Variants in TENM2 observed in about 807,000 individuals in gnomAD.
TENM2 encodes the protein teneurin transmembrane protein 2.
A neutral mutation model predicts 245.2 loss-of-function variants in TENM2; 52 were observed. That is an observed-to-expected ratio of 0.21 (90% CI 0.17 to 0.27). The LOEUF is 0.27. TENM2 is among the 10% of genes least tolerant of loss of function. TENM2 has a pLI of 1.00. For missense variants in TENM2, 3,046 were observed against 3,666.8 expected (o/e 0.83, Z 4.37); for synonymous variants, 1,363 against 1,438.9 (o/e 0.95, Z 1.19).
At chr5:168,002,320 G>A (rs1294473731) in intron 5 of TENM2, among the ~76,000 whole-genome samples, 1 of 152,146 alleles carries the variant, frequency 6.6e-6, no homozygotes, top group East Asian at 1.9e-4. Flanking sequence ...TAAAAGAAGG[G>A]CATATTACCT....
At chr5:167,927,526 A>G (rs1777856465) in intron 3 of TENM2, among the ~76,000 whole-genome samples, 3 of 152,164 alleles carry the variant, frequency 2.0e-5, no homozygotes, top group African/African-American at 7.2e-5. Context: ...AAGTGCATAA[A>G]TCAATCCTTA....
At chr5:167,597,160 CT>C (rs1211549028) in intron 2 of TENM2, among the ~76,000 whole-genome samples, 30 of 102,306 alleles carry the variant, frequency 2.9e-4, no homozygotes, top group Admixed American at 5.1e-4. Context: ...CTTTTCTTTT[CT>C]TTTCTTTTTT....
chr5:167,764,380 A>G (rs1325479590), intron 2 of TENM2, among the ~76,000 whole-genome samples: 2 of 152,108 alleles, frequency 1.3e-5, no homozygotes, highest in African/African-American at 4.8e-5. Flanking sequence ...TCCTATTTAA[A>G]TTAACTTAGC....
At chr5:167,510,594 G>A (rs1769879732) in intron 2 of TENM2, among the ~76,000 whole-genome samples, 1 of 146,930 alleles carries the variant, frequency 6.8e-6, no homozygotes, top group East Asian at 2.0e-4. Context: ...AAAGGAGAAA[G>A]AAAGAAGAAA....
intron 2 of TENM2, among the ~76,000 whole-genome samples, chr5:167,536,759 A>G (rs1195669710): frequency 1.3e-5 from 2 of 152,142 alleles, no homozygotes; most frequent in Non-Finnish European, 2.9e-5. Context: ...GCTCATGCCT[A>G]TATTCCCAGC....
At chr5:167,415,455 G>A (rs1581978596) in intron 2 of TENM2, among the ~76,000 whole-genome samples, 1 of 152,166 alleles carries the variant, frequency 6.6e-6, no homozygotes, top group East Asian at 1.9e-4. Context: ...AAAGAATAAT[G>A]TTTTCTAATT....
chr5:167,890,510 G>C (rs1774661304), intron 3 of TENM2, among the ~76,000 whole-genome samples: 1 of 152,040 alleles, frequency 6.6e-6, no homozygotes. Context: ...TGTCCTGCTT[G>C]GTATTATTTT....
At position 168,198,914 on chromosome 5, in the gene TENM2, A is replaced by G. The variant is rs1391617942; in HGVS notation, c.2962A>G (p.Met988Val). The G allele has an allele frequency of 7.4e-6, 12 of 1,613,910 alleles. 1 individual carries two copies. Among genetic ancestry groups the G allele is most frequent in the Non-Finnish European group, 1.0e-5 (12 of 1,179,906 alleles). The stretch of plus-strand genomic sequence containing the variant: ...TCTACACTTTGAGCGAGCCCCGTTC[A>G]TGAGCCAGGAGCGCACTGTGTGGCT... Residue 988 changes from methionine (M) to valine (V), a missense_variant, in exon 16 of 29, where the codon ATG (methionine) becomes GTG (valine). Transcript: ENST00000518659.
intron 2 of TENM2, among the ~76,000 whole-genome samples, chr5:167,753,443 A>G (rs1762089197): frequency 6.6e-6 from 1 of 152,208 alleles, no homozygotes; most frequent in African/African-American, 2.4e-5. Context: ...TATGTAGCCA[A>G]GAATAGGATG....
the TENM2 span, among the ~76,000 whole-genome samples, chr5:167,173,960 A>G: frequency 6.6e-6 from 1 of 152,116 alleles, no homozygotes; most frequent in Non-Finnish European, 1.5e-5. Context: ...TCCTTATGTG[A>G]TTTTTAATAT....
intron 2 of TENM2, among the ~76,000 whole-genome samples, chr5:167,436,281 T>A (rs1402554083): frequency 1.3e-5 from 2 of 151,962 alleles, no homozygotes; most frequent in African/African-American, 4.8e-5. Context: ...GAGACAGGAT[T>A]TTCCCACGTT....
At chr5:167,163,605 CT>C in the TENM2 span, among the ~76,000 whole-genome samples, 5 of 152,256 alleles carry the variant, frequency 3.3e-5, no homozygotes, top group African/African-American at 1.2e-4. Context: ...GGTTTTAACA[CT>C]TTCACCAGGG....
chr5:167,660,464 C>CAAAAAAAAA (rs749846307), intron 2 of TENM2: 31 of 33,168 alleles, frequency 9.3e-4, no homozygotes, highest in African/African-American at 1.7e-3. Context: ...GGCTGTGTCT[C>CAAAAAAAAA]AAAAAAAAAA....
At chr5:168,146,331 G>T (rs1231989439) in intron 12 of TENM2, among the ~76,000 whole-genome samples, 1 of 151,738 alleles carries the variant, frequency 6.6e-6, no homozygotes, top group Non-Finnish European at 1.5e-5. Context: ...TAGGATGGGA[G>T]ATAATGAAAA....
chr5:167,419,327 T>G (rs1193890697), intron 2 of TENM2, among the ~76,000 whole-genome samples: 1 of 152,148 alleles, frequency 6.6e-6, no homozygotes, highest in Non-Finnish European at 1.5e-5. Flanking sequence ...ATGGGCATGG[T>G]GGCTCATGCC....
the TENM2 span, among the ~76,000 whole-genome samples, chr5:167,130,968 T>C: frequency 6.6e-6 from 1 of 150,434 alleles, no homozygotes; most frequent in South Asian, 2.1e-4. Context: ...GTGTGTTGGT[T>C]AGCTGCTGCA....
intron 2 of TENM2, among the ~76,000 whole-genome samples, chr5:167,681,207 A>G (rs1756682546): frequency 6.6e-6 from 1 of 152,188 alleles, no homozygotes; most frequent in South Asian, 2.1e-4. Context: ...GAATTTTTCT[A>G]GCATCTATAT....
chr5:167,533,602 A>G (rs1771662985), intron 2 of TENM2, among the ~76,000 whole-genome samples: 1 of 152,068 alleles, frequency 6.6e-6, no homozygotes, highest in African/African-American at 2.4e-5. Flanking sequence ...GACTACAGGC[A>G]TGCATCACCA....
intron 2 of TENM2, among the ~76,000 whole-genome samples, chr5:167,462,148 T>C (rs1044098801): frequency 1.3e-5 from 2 of 148,982 alleles, no homozygotes; most frequent in African/African-American, 5.0e-5. Flanking sequence ...TTCAGACTAA[T>C]GCATTCTGAA....
Sources: allele counts gnomAD v4.1 joint callset (sites outside exome capture counted in the v4.1 genomes callset), GRCh38; gene constraint gnomAD v4.1.1; transcripts MANE v1.5; gene names NCBI Gene and HGNC (gene_info 2026-07-23, HGNC 2026-07-21).